RAB27B: variants seen among roughly 807,000 people sequenced by gnomAD.
RAB27B encodes RAB27B, member RAS oncogene family.
In RAB27B, 15 loss-of-function variants were observed where a neutral mutation model predicts 24.6. That is an observed-to-expected ratio of 0.61 (90% CI 0.41 to 0.94). The LOEUF is 0.94. Among genes scored for constraint, RAB27B ranks in the 40% least tolerant of loss-of-function variants. The probability of loss-of-function intolerance (pLI) is 0.00; values close to 1 mark genes in which losing one functional copy is unlikely to be tolerated. For synonymous variants in RAB27B, 105 were observed against 92.5 expected, an observed-to-expected ratio of 1.14 and a Z score of -0.78; for missense variants, 261 against 266.8, an observed-to-expected ratio of 0.98 and a Z score of 0.15.
intron 1 of RAB27B, among the ~76,000 whole-genome samples, chr18:54,877,030 G>A (rs374111926): frequency 1.1e-4 from 16 of 152,292 alleles, no homozygotes; most frequent in African/African-American, 3.9e-4. Context: ...CATGTTTCAT[G>A]GGAGGGACCC....
chr18:54,779,902 C>T (rs1281716957), intron 2 of RAB27B, among the ~76,000 whole-genome samples: 1 of 151,860 alleles, frequency 6.6e-6, no homozygotes, highest in Non-Finnish European at 1.5e-5. Flanking sequence ...GCTTCCCCCT[C>T]ACCCTCTCTA....
chr18:54,799,651 A>T (rs1327439225), intron 2 of RAB27B, among the ~76,000 whole-genome samples: 2 of 81,670 alleles, frequency 2.4e-5, no homozygotes, highest in Admixed American at 2.0e-4. Flanking sequence ...TTTTTTTTAG[A>T]CAGAGTCTTG....
rs149416735 is a variant in RAB27B, at chr18:54,784,786, G to A, written c.-20+66645G>A. Among the ~76,000 whole-genome samples, 718 of 152,256 alleles carry A rather than the reference G, an allele frequency of 4.7e-3. 4 individuals carry two copies. The highest frequency in any genetic ancestry group is 8.4e-3 in the Admixed American group (129 of 15,292). ...TGCTGCAGTGAACATATGAATGCAG[G>A]TGTCTTTTTGGTAGAGTGATTTATT... On this transcript the variant is annotated intron_variant, in intron 2 of 4. Transcript: ENST00000586570.
chr18:54,738,881 A>G (rs537818458), intron 2 of RAB27B, among the ~76,000 whole-genome samples: 1 of 152,166 alleles, frequency 6.6e-6, no homozygotes, highest in South Asian at 2.1e-4. Context: ...TGAGAAATGT[A>G]TATCTCTGTG....
At chr18:54,731,589 G>A (rs543812672) in intron 2 of RAB27B, among the ~76,000 whole-genome samples, 14 of 152,054 alleles carry the variant, frequency 9.2e-5, no homozygotes, top group South Asian at 2.1e-4. Flanking sequence ...GTGTGGTGGC[G>A]CATGCCTGTA....
intron 2 of RAB27B, among the ~76,000 whole-genome samples, chr18:54,750,908 A>T (rs368304574): frequency 6.6e-6 from 1 of 152,324 alleles, no homozygotes; most frequent in East Asian, 1.9e-4. Context: ...GGCCACAGGC[A>T]CAGGTTGCAA....
chr18:54,844,408 C>CTTTTCTTT (rs1911239209), intron 1 of RAB27B, among the ~76,000 whole-genome samples: 1 of 107,880 alleles, frequency 9.3e-6, no homozygotes, highest in African/African-American at 3.4e-5. Context: ...CTTTTCTTTT[C>CTTTTCTTT]TTTTTTTTTT....
At chr18:54,874,562 TAAAA>T (rs11331217) in intron 1 of RAB27B, among the ~76,000 whole-genome samples, 2 of 143,280 alleles carry the variant, frequency 1.4e-5, no homozygotes, top group Admixed American at 6.9e-5. Flanking sequence ...ACACATTTGC[TAAAA>T]AAAAAAAAAA....
chr18:54,770,984 T>C (rs540222464), intron 2 of RAB27B, among the ~76,000 whole-genome samples: 1 of 152,310 alleles, frequency 6.6e-6, no homozygotes, highest in Admixed American at 6.5e-5. Flanking sequence ...GTCCCTTTCT[T>C]GTTAAACTGG....
At chr18:54,875,677 C>T (rs1233213486) in intron 1 of RAB27B, among the ~76,000 whole-genome samples, 1 of 151,794 alleles carries the variant, frequency 6.6e-6, no homozygotes, top group Non-Finnish European at 1.5e-5. Flanking sequence ...CATCCTACCT[C>T]AAAAAGCATT....
chr18:54,851,078 T>C (rs951062285), intron 1 of RAB27B, among the ~76,000 whole-genome samples: 1 of 152,146 alleles, frequency 6.6e-6, no homozygotes, highest in Non-Finnish European at 1.5e-5. Flanking sequence ...TAATATTAAT[T>C]TGAGTTATAG....
chr18:54,815,074 C>T (rs576431098), intron 2 of RAB27B, among the ~76,000 whole-genome samples: 1 of 152,252 alleles, frequency 6.6e-6, no homozygotes, highest in South Asian at 2.1e-4. Flanking sequence ...TACTGTGTAT[C>T]TGTTTATGTG....
chr18:54,831,552 G>A lies in RAB27B; in HGVS notation c.-20+2852G>A, dbSNP rs1418499543. 2.6e-5 allele frequency among the ~76,000 whole-genome samples: 4 copies of A among 152,300 alleles called. No individual in the cohort carries two copies. The East Asian group carries it at 7.7e-4, about 29-fold the overall frequency. ...ACTATGAACTTTAATATTCGTCTAA[G>A]CCCTGTGGATAACAGATGTTAGTGA... On this transcript the variant is annotated intron_variant, in intron 1 of 5. Transcript: ENST00000262094.
At chr18:54,798,998 A>G (rs895540751) in intron 2 of RAB27B, among the ~76,000 whole-genome samples, 95 of 152,270 alleles carry the variant, frequency 6.2e-4, no homozygotes, top group African/African-American at 2.3e-3. Flanking sequence ...GTATGTAAGG[A>G]CTGTCTTTTA....
At chr18:54,821,232 T>C (rs1315945303) in intron 2 of RAB27B, among the ~76,000 whole-genome samples, 2 of 152,318 alleles carry the variant, frequency 1.3e-5, no homozygotes, top group East Asian at 3.9e-4. Flanking sequence ...AGCATTCTTA[T>C]ACACAAATAA....
intron 2 of RAB27B, among the ~76,000 whole-genome samples, chr18:54,765,826 A>T (rs1225662653): frequency 6.6e-6 from 1 of 151,960 alleles, no homozygotes; most frequent in African/African-American, 2.4e-5. Flanking sequence ...ATTTGCCCAC[A>T]CCCCATTGCT....
chr18:54,785,536 CT>C (rs1909058804), intron 2 of RAB27B, among the ~76,000 whole-genome samples: 1 of 150,942 alleles, frequency 6.6e-6, no homozygotes, highest in African/African-American at 2.4e-5. Flanking sequence ...GACTATCCCC[CT>C]CCTTCTTATA....
chr18:54,817,986 T>C (rs990421691), intron 2 of RAB27B, among the ~76,000 whole-genome samples: 1 of 152,132 alleles, frequency 6.6e-6, no homozygotes, highest in Admixed American at 6.5e-5. Context: ...GAGACTCCTA[T>C]TGAGCCCCCA....
intron 5 of RAB27B, 99 bp from the exon 6 acceptor site, chr18:54,889,125 T>C: frequency 1.7e-6 from 2 of 1,172,332 alleles, no homozygotes; most frequent in South Asian, 4.0e-5. Flanking sequence ...TCACAATCTC[T>C]CAGCCAGCCG....
Sources: allele counts gnomAD v4.1 joint callset (sites outside exome capture counted in the v4.1 genomes callset), GRCh38; gene constraint gnomAD v4.1.1; transcripts MANE v1.5; gene names NCBI Gene and HGNC (gene_info 2026-07-23, HGNC 2026-07-21).